The following AK9 variants were observed in gnomAD, a reference collection of about 807,000 sequenced individuals.
AK9 encodes the protein adenylate kinase 9.
In AK9, 191 loss-of-function variants were observed where a neutral mutation model predicts 239.6. The observed-to-expected ratio is 0.80, with a 90% CI of 0.71 to 0.90. The LOEUF (loss-of-function observed/expected upper bound fraction) is 0.90. AK9 is among the 40% of genes least tolerant of loss of function. AK9 has a pLI of 0.00. For synonymous variants in AK9, 689 were observed against 721.0 expected, an observed-to-expected ratio of 0.96 and a Z score of 0.71; for missense variants, 1,995 against 2,214.7, an observed-to-expected ratio of 0.90 and a Z score of 1.99.
rs964460732 is a variant in AK9, at chr6:109,493,060, T to C, written c.*309A>G. The C allele has an allele frequency of 5.0e-6, 1 of 201,670 alleles. No homozygotes were observed. The highest frequency in any genetic ancestry group is 1.0e-5 in the Non-Finnish European group (1 of 100,362). 12.5% of individuals were successfully genotyped at this position (201,670 alleles called of 1,614,324 possible). A position where few individuals can be genotyped will look rare whatever the true frequency, so the allele number is the denominator to read the frequency against. ...CTACTGAAAATGTTAAAAAGGAAAA[T>C]AATACATTTATTAAATAAGTCACTT... On this transcript the variant is annotated 3_prime_UTR_variant, in exon 41 of 41. Transcript: ENST00000424296.
At chr6:109,670,637 TC>T (rs1446919430) in intron 5 of AK9, among the ~76,000 whole-genome samples, 1 of 152,202 alleles carries the variant, frequency 6.6e-6, no homozygotes, top group East Asian at 1.9e-4. Context: ...ATAATTTATG[TC>T]ATCTTTTTTG....
intron 20 of AK9, among the ~76,000 whole-genome samples, chr6:109,577,214 G>T (rs982215649): frequency 6.6e-6 from 1 of 152,052 alleles, no homozygotes; most frequent in Non-Finnish European, 1.5e-5. Context: ...GCTGGATTTT[G>T]TCAAATGCTT....
At chr6:109,595,043 A>C (rs1363373162) in intron 17 of AK9, among the ~76,000 whole-genome samples, 1 of 152,234 alleles carries the variant, frequency 6.6e-6, no homozygotes, top group Non-Finnish European at 1.5e-5. Context: ...TCTGCACAGC[A>C]AAAGAAACCA....
rs192372700 is a variant in AK9, at chr6:109,521,647, C to T, written c.3634-5005G>A. 3.0e-4 allele frequency among the ~76,000 whole-genome samples: 46 copies of T among 152,122 alleles called. No individual in the cohort carries two copies. The East Asian group carries it at 7.1e-3, about 24-fold the overall frequency. ...TTTGATTGATTCTGAATATGGAAAT[C>T]CAATAAACAGCACCTGCTATGTTAA... On this transcript the variant is annotated intron_variant, in intron 29 of 40. Transcript: ENST00000424296.
chr6:109,546,269 T>C, intron 25 of AK9, 142 bp from the exon 26 acceptor site: 1 of 696,978 alleles, frequency 1.4e-6, no homozygotes, highest in Non-Finnish European at 2.2e-6. Context: ...AACTCAAGGA[T>C]GCTTAGATAT....
intron 12 of AK9, among the ~76,000 whole-genome samples, chr6:109,630,344 ACTGAT>A (rs911492404): frequency 6.6e-6 from 1 of 152,160 alleles, no homozygotes; most frequent in African/African-American, 2.4e-5. Flanking sequence ...CATTCCTCCA[ACTGAT>A]CTATAAATGT....
chr6:109,497,351 CA>C, intron 38 of AK9, 113 bp downstream of exon 38: 1 of 645,538 alleles, frequency 1.5e-6, no homozygotes, highest in East Asian at 3.3e-5. Context: ...CACACACACA[CA>C]CACACACACA....
chr6:109,632,887 A>G (rs1396800121), intron 12 of AK9, 36 bp downstream of exon 12: 2 of 1,591,404 alleles, frequency 1.3e-6, no homozygotes, highest in Non-Finnish European at 1.7e-6. Flanking sequence ...AGATAGATAG[A>G]TAGATAGATA....
chr6:109,683,216 T>A (rs1052104741), intron 1 of AK9, among the ~76,000 whole-genome samples: 7 of 152,086 alleles, frequency 4.6e-5, no homozygotes, highest in Non-Finnish European at 1.0e-4. Flanking sequence ...CGCTAAAAAC[T>A]CTCAATAAAC....
intron 19 of AK9, among the ~76,000 whole-genome samples, 183 bp downstream of exon 19, chr6:109,584,940 G>C (rs986609119): frequency 3.9e-5 from 6 of 152,032 alleles, no homozygotes; most frequent in Non-Finnish European, 7.4e-5. Flanking sequence ...TCACAACTGT[G>C]TGCTTTAGAG....
intron 5 of AK9, among the ~76,000 whole-genome samples, chr6:109,670,161 A>G (rs1345947084): frequency 6.6e-6 from 1 of 152,202 alleles, no homozygotes; most frequent in Non-Finnish European, 1.5e-5. Context: ...CTTGAGACAT[A>G]CTAATCACTT....
intron 5 of AK9, among the ~76,000 whole-genome samples, chr6:109,671,649 A>G (rs553715538): frequency 3.9e-5 from 6 of 152,374 alleles, no homozygotes; most frequent in African/African-American, 1.4e-4. Flanking sequence ...CAGTACTGCA[A>G]GATGGACCAC....
Position 109,563,588 on chromosome 6 carries a change from G to T in AK9, c.2751+9C>A, listed in dbSNP as rs1786052837. The T allele has an allele frequency of 1.3e-6, 2 of 1,548,870 alleles. No individual in the cohort carries two copies. The highest frequency in any genetic ancestry group is 1.7e-6 in the Non-Finnish European group (2 of 1,146,504). ...CAAATGAGAATGAGTAGAAATAAAA[G>T]AATCATGCCTCTTCCTCTTCCTCTT... On this transcript the variant is annotated intron_variant, in intron 24 of 40. Coordinates refer to ENST00000424296, the MANE Select transcript of AK9 (RefSeq NM_001145128.3).
At chr6:109,516,942 C>T (rs896703676) in intron 29 of AK9, among the ~76,000 whole-genome samples, 34 of 151,496 alleles carry the variant, frequency 2.2e-4, no homozygotes, top group African/African-American at 8.0e-4. Context: ...TCTTTTTTTT[C>T]TCCTTGAGGA....
In AK9 at chr6:109,495,415, T is replaced by A. The variant is rs1259498243; in HGVS notation, c.5341A>T (p.Lys1781Ter). 3 of 1,613,676 alleles carry A rather than the reference T, an allele frequency of 1.9e-6. No homozygotes were observed. In the East Asian group the frequency reaches 6.7e-5, roughly 36 times the overall value. Residue 1781 changes from lysine (K) to a stop codon, truncating the protein, a stop_gained, in exon 39 of 41, where the codon AAG (lysine) becomes TAG (stop). Coordinates refer to ENST00000424296, the MANE Select transcript of AK9 (RefSeq NM_001145128.3). LOFTEE classifies it high-confidence loss of function. ...LRSPLKYWEQ[K>*]LPHKLPPLRE... Reference sequence around the variant, plus strand: ...AATGGGGGAAGCTTGTGTGGAAGCTTCTGTTCCCAGTATTTCAGTGGCGAC... The same window carrying A: ...AATGGGGGAAGCTTGTGTGGAAGCTACTGTTCCCAGTATTTCAGTGGCGAC...
chr6:109,679,022 T>C, intron 1 of AK9, among the ~76,000 whole-genome samples: 1 of 152,120 alleles, frequency 6.6e-6, no homozygotes, highest in East Asian at 1.9e-4. Context: ...AAGCACAAAA[T>C]TGGGCAGCTG....
chr6:109,540,836 C>A (rs1320002199), intron 27 of AK9, among the ~76,000 whole-genome samples: 1 of 152,216 alleles, frequency 6.6e-6, no homozygotes, highest in Non-Finnish European at 1.5e-5. Context: ...ATCTTTACCT[C>A]TACACCCAAC....
intron 24 of AK9, among the ~76,000 whole-genome samples, chr6:109,555,831 C>T (rs1192332039): frequency 6.6e-6 from 1 of 152,080 alleles, no homozygotes; most frequent in Non-Finnish European, 1.5e-5. Flanking sequence ...GATTGTGACC[C>T]CTGCTTTTTT....
Position 109,683,954 on chromosome 6 carries a change from A to G in AK9, c.-12+7193T>C, listed in dbSNP as rs188209861. On this transcript the variant is annotated intron_variant, in intron 1 of 40. Transcript: ENST00000424296. ...TCTCATAGCCAAGACAATCCTAAGC[A>G]ATAAGAACAAAGCTGGAGGCATCAC... Among the ~76,000 whole-genome samples the G allele has an allele frequency of 2.8e-3, 423 of 152,296 alleles. 1 individual carries two copies. Among genetic ancestry groups the G allele is most frequent in the African/African-American group, 9.7e-3 (404 of 41,578 alleles).
Sources: gnomAD v4.1 joint callset for allele counts (sites outside exome capture counted in the v4.1 genomes callset) on GRCh38, gnomAD v4.1.1 for gene constraint, MANE v1.5 for transcripts, NCBI Gene and HGNC (gene_info 2026-07-23, HGNC 2026-07-21) for gene names.